LZIC: variants seen among roughly 807,000 people sequenced by gnomAD.
LZIC encodes protein LZIC.
In LZIC, 28 loss-of-function variants were observed where a neutral mutation model predicts 25.4. That is an observed-to-expected ratio of 1.10 (90% CI 0.82 to 1.51). The LOEUF (loss-of-function observed/expected upper bound fraction) is 1.51, where lower values mean the gene tolerates loss of function less well. Among genes scored for constraint, LZIC ranks in the 40% most tolerant of loss-of-function variants. The pLI is 0.00. For missense variants in LZIC, 170 were observed against 211.1 expected (o/e 0.81, Z 1.21); for synonymous variants, 65 against 70.7 (o/e 0.92, Z 0.40).
rs1182758035 is a variant in LZIC, at chr1:9,932,860, G to C, written c.375C>G (p.Asp125Glu). The C allele has an allele frequency of 1.2e-6, 2 of 1,612,736 alleles. No homozygotes were observed. Among genetic ancestry groups the C allele is most frequent in the South Asian group, 1.1e-5 (1 of 91,042 alleles). ...TCTCCACTTTCTGTTGAGTGTACAG[G>C]TCTCTTTCCAGCTTTCCTACCATCA... ...RDLMVGKLER[D>E]LYTQQKVEIL... The change falls in exon 6 of 8, where the codon GAC becomes GAG. Residue 125 changes from aspartate (D) to glutamate (E), a missense_variant. Coordinates refer to ENST00000377223, the MANE Select transcript of LZIC (RefSeq NM_032368.5).
At chr1:9,937,583 A>G (rs1326264127) in intron 2 of LZIC, among the ~76,000 whole-genome samples, 2 of 151,538 alleles carry the variant, frequency 1.3e-5, no homozygotes, top group African/African-American at 4.8e-5. Flanking sequence ...TGGCTCACGC[A>G]TGTCTGTAAT....
rs2101577289 is a variant in LZIC at position 9,927,619 on chromosome 1, CA to C, written c.*2779del. ...CCAGGCATTAGGTCCCTTTCAAATT[CA>C]AGATATTCCTAATTTTTCTGGTCTA... On this transcript the variant is annotated 3_prime_UTR_variant, in exon 8 of 8. Coordinates refer to ENST00000377223, the MANE Select transcript of LZIC (RefSeq NM_032368.5). Among the ~76,000 whole-genome samples, 1 of 150,442 alleles carries C rather than the reference CA, an allele frequency of 6.6e-6. No homozygotes were observed. The highest frequency in any genetic ancestry group is 2.4e-5 in the African/African-American group (1 of 41,092).
rs529287586 is a variant in LZIC, at chr1:9,927,656, G to A, written c.*2743C>T. On this transcript the variant is annotated 3_prime_UTR_variant, in exon 8 of 8. Transcript: ENST00000377223. ...AATTTTTCTGGTCTACTATTGCAGG[G>A]TAAGGGAAGAATCTTCTTCCTCTTT... is the stretch of plus-strand genomic sequence containing the variant. Among the ~76,000 whole-genome samples, 5 of 149,810 alleles carry A rather than the reference G, an allele frequency of 3.3e-5. No individual in the cohort carries two copies. The South Asian group carries it at 1.1e-3, about 32-fold the overall frequency.
Position 9,929,484 on chromosome 1 carries a change from C to G in LZIC, c.*915G>C. On this transcript the variant is annotated 3_prime_UTR_variant, in exon 8 of 8. Transcript: ENST00000377223. ...CCTCATAACTTATTTTGTGTTTCTC[C>G]AAAACCTGAAGAGTAGATAACAGCT... is the stretch of plus-strand genomic sequence containing the variant. The G allele has an allele frequency of 1.0e-6, 1 of 985,292 alleles. No individual in the cohort carries two copies. The highest frequency in any genetic ancestry group is 4.7e-5 in the South Asian group (1 of 21,280). 61.0% of individuals were successfully genotyped at this position (985,292 alleles called of 1,614,324 possible). A position where few individuals can be genotyped will look rare whatever the true frequency, so the allele number is the denominator to read the frequency against.
At chr1:9,942,012 G>A (rs1640770564) in intron 2 of LZIC, among the ~76,000 whole-genome samples, 1 of 152,094 alleles carries the variant, frequency 6.6e-6, no homozygotes, top group Non-Finnish European at 1.5e-5. Flanking sequence ...AGCCTCCTGG[G>A]TTCAAGCAAT....
rs1051604523 is a variant in LZIC at position 9,928,853 on chromosome 1, TAAAACTCTGTCTCAAAAAAA to T, written c.*1526_*1545del. 2 of 110,362 alleles carry T rather than the reference TAAAACTCTGTCTCAAAAAAA, an allele frequency of 1.8e-5. No homozygotes were observed. The highest frequency in any genetic ancestry group is 3.6e-5 in the Non-Finnish European group (2 of 54,958). 6.8% of individuals were successfully genotyped at this position (110,362 alleles called of 1,614,324 possible). A position where few individuals can be genotyped will look rare whatever the true frequency, so the allele number is the denominator to read the frequency against. ...TGCACTCCAGCCTGGGCAATAAGAGTAAAACTCTGTCTCAAAAAAAAAAAAAAAAAGAAAAGAAAATATTA... is the reference window on the plus strand; with the variant it reads ...TGCACTCCAGCCTGGGCAATAAGAGTAAAAAAAAAAGAAAAGAAAATATTA... On this transcript the variant is annotated 3_prime_UTR_variant, in exon 8 of 8. Coordinates refer to ENST00000377223, the MANE Select transcript of LZIC (RefSeq NM_032368.5).
chr1:9,936,681 T>C, intron 2 of LZIC, 54 bp from the exon 3 acceptor site: 1 of 1,177,908 alleles, frequency 8.5e-7, no homozygotes, highest in Non-Finnish European at 1.2e-6. Context: ...CCAGTGCAAT[T>C]TTTTTAAGTT....
At chr1:9,939,509 T>TAGCTA (rs1640610368) in intron 2 of LZIC, among the ~76,000 whole-genome samples, 1 of 148,454 alleles carries the variant, frequency 6.7e-6, no homozygotes. Flanking sequence ...GCCTCCTGAG[T>TAGCTA]AGCTAGGATT....
Position 9,929,334 on chromosome 1 carries a change from G to T in LZIC, c.*1065C>A. 1.0e-6 allele frequency: 1 copy of T among 984,818 alleles called. No individual in the cohort carries two copies. The highest frequency in any genetic ancestry group is 5.2e-4 in the Middle Eastern group (1 of 1,914). The allele number at this position is 984,818 out of a possible 1,614,324, so 61.0% of individuals were successfully genotyped here. ...AAAGTGCAAAGAAAAAGAATATTGA[G>T]AAGCACATGAAAGAATATAAAATGG... On this transcript the variant is annotated 3_prime_UTR_variant, in exon 8 of 8. Transcript: ENST00000377223.
chr1:9,931,613 A>G (rs1640217245), intron 7 of LZIC, among the ~76,000 whole-genome samples: 1 of 152,350 alleles, frequency 6.6e-6, no homozygotes, highest in East Asian at 1.9e-4. Flanking sequence ...CATGTTGCCC[A>G]GGCTGGTCTA....
chr1:9,935,752 A>AC, intron 3 of LZIC, 125 bp from the exon 4 acceptor site: 1 of 888,468 alleles, frequency 1.1e-6, no homozygotes, highest in Non-Finnish European at 1.7e-6. Context: ...GAATGTGTTC[A>AC]CATAGTAGTA....
intron 7 of LZIC, among the ~76,000 whole-genome samples, chr1:9,930,724 T>C (rs1045301063): frequency 6.6e-6 from 1 of 152,148 alleles, no homozygotes; most frequent in Non-Finnish European, 1.5e-5. Flanking sequence ...TTTATTTATT[T>C]ATTTATTTTT....
Position 9,930,043 on chromosome 1 carries a change from A to T in LZIC, c.*356T>A, listed in dbSNP as rs1640142490. On this transcript the variant is annotated 3_prime_UTR_variant, in exon 8 of 8. Transcript: ENST00000377223. ...CAATGAGTGGGGATAAGTTGTAAGC[A>T]GAAAAATATCATTACTTCACATCTT... is the stretch of plus-strand genomic sequence containing the variant. 9.8e-7 allele frequency: 1 copy of T among 1,025,500 alleles called. No individual in the cohort carries two copies. The highest frequency in any genetic ancestry group is 4.0e-5 in the South Asian group (1 of 24,784). 63.5% of individuals were successfully genotyped at this position (1,025,500 alleles called of 1,614,324 possible). A position where few individuals can be genotyped will look rare whatever the true frequency, so the allele number is the denominator to read the frequency against.
intron 2 of LZIC, among the ~76,000 whole-genome samples, chr1:9,942,089 G>A (rs1640775009): frequency 6.6e-6 from 1 of 151,994 alleles, no homozygotes; most frequent in East Asian, 1.9e-4. Context: ...GCTAATTTTT[G>A]TATTTTTAGT....
intron 2 of LZIC, among the ~76,000 whole-genome samples, chr1:9,938,427 C>A (rs1033100942): frequency 6.6e-6 from 1 of 152,156 alleles, no homozygotes; most frequent in Non-Finnish European, 1.5e-5. Context: ...TCCCAAAATG[C>A]TGGGATTATA....
chr1:9,928,635 G>A lies in LZIC; in HGVS notation c.*1764C>T, dbSNP rs1031393126. 2.6e-5 allele frequency among the ~76,000 whole-genome samples: 4 copies of A among 152,220 alleles called. No homozygotes were observed. Among genetic ancestry groups the A allele is most frequent in the Admixed American group, 2.0e-4 (3 of 15,288 alleles). On this transcript the variant is annotated 3_prime_UTR_variant, in exon 8 of 8. Transcript: ENST00000377223. ...CTCACACCTATAATCCCAGCACTTT[G>A]GGAGGCCGAGGCAGTTGGATCACCT...
At chr1:9,939,444 G>A (rs1557444765) in intron 2 of LZIC, among the ~76,000 whole-genome samples, 1 of 144,258 alleles carries the variant, frequency 6.9e-6, no homozygotes, top group African/African-American at 2.6e-5. Flanking sequence ...GCAGTGATGT[G>A]ATCTCAGCTC....
At chr1:9,936,666 A>T in intron 2 of LZIC, 39 bp from the exon 3 acceptor site, 2 of 1,318,100 alleles carry the variant, frequency 1.5e-6, no homozygotes. Flanking sequence ...TATGAAATTA[A>T]CATACCAGTG....
chr1:9,924,198 T>G (rs2101570901), downstream of LZIC, among the ~76,000 whole-genome samples: 1 of 152,354 alleles, frequency 6.6e-6, no homozygotes, highest in Admixed American at 6.5e-5. Context: ...TAGTTGTTTT[T>G]CATTGTTGGG....
Sources: gnomAD v4.1 joint callset for allele counts (sites outside exome capture counted in the v4.1 genomes callset) on GRCh38, gnomAD v4.1.1 for gene constraint, MANE v1.5 for transcripts, NCBI Gene and HGNC (gene_info 2026-07-23, HGNC 2026-07-21) for gene names.